Variants in ZNF334 observed in about 807,000 individuals in gnomAD.
ZNF334 encodes zinc finger protein 334.
ZNF334 carries 14 observed loss-of-function variants against 12.4 expected under a neutral mutation model. That is an observed-to-expected ratio of 1.13 (90% CI 0.74 to 1.76). The LOEUF is 1.76. Ranked by LOEUF, ZNF334 falls within the 40% of genes most tolerant of loss-of-function variation. ZNF334 has a pLI of 0.00. For synonymous variants in ZNF334, 273 were observed against 269.6 expected (o/e 1.01, Z -0.12); for missense variants, 797 against 804.5 (o/e 0.99, Z 0.11).
chr20:46,478,274 A>G, the ZNF334 span, among the ~76,000 whole-genome samples: 1 of 152,324 alleles, frequency 6.6e-6, no homozygotes, highest in South Asian at 2.1e-4. Flanking sequence ...TTAGGGACAC[A>G]AAAGACATTA....
intron 2 of ZNF334, among the ~76,000 whole-genome samples, chr20:46,507,239 C>G (rs1311681969): frequency 3.3e-5 from 5 of 151,192 alleles, no homozygotes; most frequent in African/African-American, 1.2e-4. Context: ...AAAGGAAAAA[C>G]AAGGGAAAGG....
At chr20:46,495,352 T>C (rs1019100049), downstream of ZNF334, among the ~76,000 whole-genome samples, 1 of 151,030 alleles carries the variant, frequency 6.6e-6, no homozygotes, top group Non-Finnish European at 1.5e-5. Flanking sequence ...GATCAAATCA[T>C]ACTAGATTAG....
the ZNF334 span, among the ~76,000 whole-genome samples, chr20:46,471,276 T>C: frequency 1.3e-5 from 2 of 152,314 alleles, no homozygotes; most frequent in Admixed American, 6.5e-5. Flanking sequence ...GTGACGTGCC[T>C]GTTCAAGTAT....
At position 46,502,154 on chromosome 20, in the gene ZNF334, A is replaced by G. The variant is rs1272924333; in HGVS notation, c.1185T>C (p.His395=). The G allele has an allele frequency of 6.2e-7, 1 of 1,614,116 alleles. No individual in the cohort carries two copies. The highest frequency in any genetic ancestry group is 8.5e-7 in the Non-Finnish European group (1 of 1,180,004). ...GTTTTTCCCCTGTGTGAATTCTCTGATGCGCAGTAAGGGCTGACTGACAGA... is the reference window on the plus strand; with the variant it reads ...GTTTTTCCCCTGTGTGAATTCTCTGGTGCGCAGTAAGGGCTGACTGACAGA... ...TFFCQSALTA[H]QRIHTGEKPY... is the part of the protein sequence containing the mutation. The change falls in exon 5 of 5, where the codon CAT becomes CAC. Residue 395 remains histidine, a synonymous_variant. Transcript: ENST00000692313.
In ZNF334 at chr20:46,502,114, C is replaced by A. The variant is rs762555233; in HGVS notation, c.1225G>T (p.Glu409Ter). 115 of 1,614,084 alleles carry A rather than the reference C, an allele frequency of 7.1e-5. No individual in the cohort carries two copies. The highest frequency in any genetic ancestry group is 9.6e-5 in the Non-Finnish European group (113 of 1,180,038). Reference sequence around the variant, plus strand: ...TGACAAAAGAAGGTTTTCTCACATTCACTACATTCATAGGGTTTTTCCCCT... The same window carrying A: ...TGACAAAAGAAGGTTTTCTCACATTAACTACATTCATAGGGTTTTTCCCCT... ...HTGEKPYECS[E>*]CEKTFFCQSA... The change falls in exon 5 of 5, where the codon GAA (glutamate) becomes TAA (stop). Residue 409 changes from glutamate (E) to a stop codon, truncating the protein, a stop_gained. Transcript: ENST00000692313. LOFTEE classifies it low-confidence loss of function (END_TRUNC).
the ZNF334 span, among the ~76,000 whole-genome samples, chr20:46,487,880 A>G: frequency 9.2e-5 from 14 of 152,158 alleles, no homozygotes; most frequent in African/African-American, 3.4e-4. Flanking sequence ...AGGTGCTTAT[A>G]CCACTGGGTC....
chr20:46,510,083 G>C (rs904970611), intron 2 of ZNF334, among the ~76,000 whole-genome samples: 6 of 152,204 alleles, frequency 3.9e-5, no homozygotes, highest in Non-Finnish European at 2.9e-5. Flanking sequence ...GGTAGGAACT[G>C]AGAAGAGGCA....
intron 2 of ZNF334, chr20:46,509,525 T>C (rs2061566119): frequency 1.4e-6 from 1 of 702,458 alleles, no homozygotes; most frequent in Non-Finnish European, 2.6e-6. Context: ...ACATGGGACA[T>C]CTCTGGGAGG....
downstream of ZNF334, among the ~76,000 whole-genome samples, chr20:46,497,553 A>G (rs2061044159): frequency 6.6e-6 from 1 of 152,246 alleles, no homozygotes; most frequent in African/African-American, 2.4e-5. Flanking sequence ...ACAGTAAGAA[A>G]CTAATATACT....
At position 46,500,676 on chromosome 20, in the gene ZNF334, T is replaced by C. The variant is rs1041095837; in HGVS notation, c.*620A>G. On this transcript the variant is annotated 3_prime_UTR_variant, in exon 5 of 5. Transcript: ENST00000692313. The stretch of plus-strand genomic sequence containing the variant: ...ATGAACTAGTTATCCTGTGCCTATC[T>C]TCCATTAGAAAGGTCTTAGGAAGGG... The C allele has an allele frequency of 6.6e-6, 1 of 152,332 alleles. No homozygotes were observed. Among genetic ancestry groups the C allele is most frequent in the East Asian group, 1.9e-4 (1 of 5,198 alleles). 9.4% of individuals were successfully genotyped at this position (152,332 alleles called of 1,614,324 possible).
the ZNF334 span, chr20:46,491,772 A>G: frequency 6.5e-6 from 1 of 153,214 alleles, no homozygotes; most frequent in East Asian, 1.9e-4. Flanking sequence ...GCCTTTAAAT[A>G]TCGGTCAAAC....
At chr20:46,488,825 C>A in the ZNF334 span, among the ~76,000 whole-genome samples, 1 of 144,106 alleles carries the variant, frequency 6.9e-6, no homozygotes, top group East Asian at 2.0e-4. Context: ...TTTTTTAGTA[C>A]CTTAAATATT....
At chr20:46,488,251 T>C in the ZNF334 span, among the ~76,000 whole-genome samples, 270 of 151,694 alleles carry the variant, frequency 1.8e-3, no homozygotes, top group African/African-American at 6.2e-3. Flanking sequence ...TTTTTTTTTT[T>C]TAGGATTCTA....
the ZNF334 span, among the ~76,000 whole-genome samples, chr20:46,489,649 CAAAAA>C: frequency 2.2e-5 from 2 of 90,766 alleles, no homozygotes; most frequent in Admixed American, 1.2e-4. Context: ...CAGACTCTCT[CAAAAA>C]AAAAAAAAAA....
chr20:46,509,517 A>G (rs1601067616), intron 2 of ZNF334: 4 of 701,338 alleles, frequency 5.7e-6, no homozygotes, highest in Non-Finnish European at 7.8e-6. Context: ...GGGTCAGCAC[A>G]TGGGACATCT....
the ZNF334 span, among the ~76,000 whole-genome samples, chr20:46,479,177 G>T: frequency 6.6e-6 from 1 of 152,136 alleles, no homozygotes; most frequent in South Asian, 2.1e-4. Context: ...AGGCTCTAGG[G>T]GGGAACCTGT....
Position 46,501,180 on chromosome 20 carries a change from A to C in ZNF334, c.*116T>G. Reference sequence around the variant, plus strand: ...ATTGAGGGTTGACTTATGGCAGAAAAATTTTCCATATTCATTACATTTATA... The same window carrying C: ...ATTGAGGGTTGACTTATGGCAGAAACATTTTCCATATTCATTACATTTATA... On this transcript the variant is annotated 3_prime_UTR_variant, in exon 5 of 5. Coordinates refer to ENST00000692313, the MANE Select transcript of ZNF334 (RefSeq NM_001353824.2). The C allele has an allele frequency of 7.2e-7, 1 of 1,380,002 alleles. No individual in the cohort carries two copies. The highest frequency in any genetic ancestry group is 1.6e-5 in the South Asian group (1 of 62,936). The allele number at this position is 1,380,002 out of a possible 1,614,324, so 85.5% of individuals were successfully genotyped here. A position where few individuals can be genotyped will look rare whatever the true frequency, so the allele number is the denominator to read the frequency against.
Position 46,513,058 on chromosome 20 carries a change from G to A in ZNF334, c.-557C>T, listed in dbSNP as rs1805256235. On this transcript the variant is annotated 5_prime_UTR_variant, in exon 1 of 5. Transcript: ENST00000692313. ...GACTCTCGCAGATACCTCCAGTGAA[G>A]TGTCTTTTCCTGTCAAATCTTGACC... 6.6e-6 allele frequency: 1 copy of A among 152,212 alleles called. No homozygotes were observed. The highest frequency in any genetic ancestry group is 1.5e-5 in the Non-Finnish European group (1 of 68,074). The allele number at this position is 152,212 out of a possible 1,614,324, so 9.4% of individuals were successfully genotyped here. A position where few individuals can be genotyped will look rare whatever the true frequency, so the allele number is the denominator to read the frequency against.
At chr20:46,463,155 G>T in the ZNF334 span, among the ~76,000 whole-genome samples, 1 of 152,204 alleles carries the variant, frequency 6.6e-6, no homozygotes, top group African/African-American at 2.4e-5. Context: ...GCTGAGGCAG[G>T]AGAATCGCTT....
Sources: allele counts gnomAD v4.1 joint callset (sites outside exome capture counted in the v4.1 genomes callset), GRCh38; gene constraint gnomAD v4.1.1; transcripts MANE v1.5; gene names NCBI Gene and HGNC (gene_info 2026-07-23, HGNC 2026-07-21).